The following SH3BP4 variants were observed in gnomAD, a reference collection of about 807,000 sequenced individuals.
SH3BP4 encodes SH3 domain-binding protein 4.
In SH3BP4, 33 loss-of-function variants were observed where a neutral mutation model predicts 65.5. The observed-to-expected ratio is 0.50, with a 90% CI of 0.38 to 0.67. SH3BP4 has a LOEUF of 0.67. Among genes scored for constraint, SH3BP4 ranks in the 30% least tolerant of loss-of-function variants. The probability of loss-of-function intolerance (pLI) is 0.00; values close to 1 mark genes in which losing one functional copy is unlikely to be tolerated. For missense variants in SH3BP4, 1,134 were observed against 1,261.4 expected (o/e 0.90, Z 1.53); for synonymous variants, 552 against 545.5 (o/e 1.01, Z -0.17).
chr2:235,040,933 G>T lies in SH3BP4; in HGVS notation c.164G>T (p.Gly55Val). 6.2e-7 allele frequency: 1 copy of T among 1,614,002 alleles called. No homozygotes were observed. Among genetic ancestry groups the T allele is most frequent in the South Asian group, 1.1e-5 (1 of 91,066 alleles). Reference protein sequence around the residue: ...ALLVDNPTPFGNAKEVIAIKD... With the variant: ...ALLVDNPTPFVNAKEVIAIKD... The stretch of plus-strand genomic sequence containing the variant: ...CTCGTAGACAACCCCACACCTTTCG[G>T]AAATGCAAAGGAAGTGATTGCGATC... Residue 55 changes from glycine to valine, a missense_variant, in exon 4 of 6, where the codon GGA becomes GTA. Coordinates refer to ENST00000392011, the MANE Select transcript of SH3BP4 (RefSeq NM_014521.3).
At chr2:234,987,248 C>T (rs1376394821) in intron 1 of SH3BP4, among the ~76,000 whole-genome samples, 2 of 151,940 alleles carry the variant, frequency 1.3e-5, no homozygotes, top group African/African-American at 4.8e-5. Context: ...AGAACTACTG[C>T]CTTAGTCACA....
chr2:235,049,369 A>G (rs1695974032), intron 4 of SH3BP4, among the ~76,000 whole-genome samples: 1 of 152,184 alleles, frequency 6.6e-6, no homozygotes, highest in South Asian at 2.1e-4. Context: ...TACCTAGAAA[A>G]TGAGGCCACT....
At position 235,053,624 on chromosome 2, in the gene SH3BP4, C is replaced by A; in HGVS notation, c.2700C>A (p.Leu900=). The change falls in exon 6 of 6, where the codon CTC becomes CTA. Residue 900 remains leucine, a synonymous_variant. Coordinates refer to ENST00000392011, the MANE Select transcript of SH3BP4 (RefSeq NM_014521.3). ...AMWKPAYDFL[L]TWSHQIGDSY... ...GGAAGCCTGCGTATGACTTCTTACT[C>A]ACCTGGAGCCATCAGATCGGGGACA... The A allele has an allele frequency of 6.2e-7, 1 of 1,614,182 alleles. No homozygotes were observed. The highest frequency in any genetic ancestry group is 1.3e-5 in the African/African-American group (1 of 75,046).
intron 3 of SH3BP4, among the ~76,000 whole-genome samples, chr2:235,036,078 G>A (rs191304281): frequency 1.3e-5 from 2 of 152,234 alleles, no homozygotes; most frequent in Non-Finnish European, 2.9e-5. Flanking sequence ...CCCAGATAAA[G>A]TTGTAATCCT....
intron 2 of SH3BP4, among the ~76,000 whole-genome samples, chr2:235,024,544 A>G (rs928125931): frequency 6.6e-6 from 1 of 152,174 alleles, no homozygotes. Context: ...CAGGAACAGT[A>G]TTAAACCCTA....
chr2:235,029,483 T>C (rs1042383021), intron 2 of SH3BP4, among the ~76,000 whole-genome samples: 1 of 152,224 alleles, frequency 6.6e-6, no homozygotes, highest in African/African-American at 2.4e-5. Context: ...GGGCTCAGGC[T>C]GCCTGGGCAT....
intron 2 of SH3BP4, among the ~76,000 whole-genome samples, chr2:234,999,704 T>A (rs927653801): frequency 6.6e-6 from 1 of 152,190 alleles, no homozygotes; most frequent in Non-Finnish European, 1.5e-5. Flanking sequence ...TAAAAAGGAA[T>A]CTAAGACACC....
rs148936496 is a variant in SH3BP4 at position 235,041,357 on chromosome 2, C to T, written c.588C>T (p.Asp196=). The T allele has an allele frequency of 1.2e-5, 19 of 1,614,060 alleles. No individual in the cohort carries two copies. The highest frequency in any genetic ancestry group is 6.7e-5 in the African/African-American group (5 of 74,922). The change falls in exon 4 of 6, where the codon GAC becomes GAT. Residue 196 remains aspartate, a synonymous_variant. Coordinates refer to ENST00000392011, the MANE Select transcript of SH3BP4 (RefSeq NM_014521.3). This position sits in a 1 kb window ranked among gnomAD's most constrained non-coding sequence, Gnocchi z 6.0. ...PKSTVDLLLF[D]AGTSSFTESS... ...GTACTGTGGATTTGCTCCTTTTTGA[C>T]GCAGGTACATCCTCCTTCACCGAAT...
At position 234,977,394 on chromosome 2, in the gene SH3BP4, A is replaced by G. The variant is rs1244789174; in HGVS notation, c.-206-17909A>G. ...ACATCCTTTGTTCTCTCCAGCCCAG[A>G]CGTGTAGAGGTGAGCCACCCTCCTG... is the stretch of plus-strand genomic sequence containing the variant. On this transcript the variant is annotated intron_variant, in intron 1 of 5. Transcript: ENST00000392011. The surrounding 1 kb of genome is among the most constrained non-coding windows in gnomAD (Gnocchi z 5.1). Among the ~76,000 whole-genome samples, 1 of 152,158 alleles carries G rather than the reference A, an allele frequency of 6.6e-6. No individual in the cohort carries two copies. The highest frequency in any genetic ancestry group is 1.5e-5 in the Non-Finnish European group (1 of 68,048).
At chr2:235,001,780 G>A (rs1694107701) in intron 2 of SH3BP4, among the ~76,000 whole-genome samples, 1 of 152,226 alleles carries the variant, frequency 6.6e-6, no homozygotes. Context: ...GCAACTTGGT[G>A]TTCCGGCCTG....
rs546186785 is a variant in SH3BP4 at position 235,054,521 on chromosome 2, C to T, written c.*705C>T. 1.8e-4 allele frequency: 28 copies of T among 152,330 alleles called. No individual in the cohort carries two copies. The highest frequency in any genetic ancestry group is 6.3e-4 in the African/African-American group (26 of 41,568). The allele number at this position is 152,330 out of a possible 1,614,324, so 9.4% of individuals were successfully genotyped here. ...AGCTTCAGTGGGCAGAGTGAAGTCCCGCATTAGCATTTAGGTGCCCTGAGC... is the reference window on the plus strand; with the variant it reads ...AGCTTCAGTGGGCAGAGTGAAGTCCTGCATTAGCATTTAGGTGCCCTGAGC... On this transcript the variant is annotated 3_prime_UTR_variant, in exon 6 of 6. Coordinates refer to ENST00000392011, the MANE Select transcript of SH3BP4 (RefSeq NM_014521.3).
chr2:235,036,059 C>T (rs1000544872), intron 3 of SH3BP4, among the ~76,000 whole-genome samples: 1 of 152,254 alleles, frequency 6.6e-6, no homozygotes, highest in Non-Finnish European at 1.5e-5. Flanking sequence ...TTGAACTAAA[C>T]TGCTATCCCC....
chr2:235,016,478 C>T (rs1694687378), intron 2 of SH3BP4, among the ~76,000 whole-genome samples: 2 of 152,004 alleles, frequency 1.3e-5, no homozygotes, highest in South Asian at 4.1e-4. Context: ...GCCCTCAGCA[C>T]CACCGCCCAT....
At chr2:234,985,598 GTATTTTTGACCCTCTGCGCACAGA>G (rs1305394505) in intron 1 of SH3BP4, among the ~76,000 whole-genome samples, 2 of 152,190 alleles carry the variant, frequency 1.3e-5, no homozygotes, top group East Asian at 3.9e-4. Flanking sequence ...CCGCGCACAG[GTATTTTTGACCCTCTGCGCACAGA>G]TATTTTTGAC....
At chr2:235,038,339 G>C (rs1346060046) in intron 3 of SH3BP4, among the ~76,000 whole-genome samples, 566 of 12,010 alleles carry the variant, frequency 0.047, 32 homozygotes, top group East Asian at 0.38. Flanking sequence ...ATTATATATA[G>C]TATATATATT....
intron 1 of SH3BP4, among the ~76,000 whole-genome samples, chr2:234,973,730 G>T (rs1438958471): frequency 6.6e-6 from 1 of 151,764 alleles, no homozygotes; most frequent in Admixed American, 6.6e-5. Context: ...GTGACTTCTG[G>T]GCTCAAGGGA....
In SH3BP4 at chr2:235,034,000, C is replaced by T. The variant is rs1163957327; in HGVS notation, c.-132-871C>T. On this transcript the variant is annotated intron_variant, in intron 2 of 5. Coordinates refer to ENST00000392011, the MANE Select transcript of SH3BP4 (RefSeq NM_014521.3). The surrounding 1 kb of genome is among the most constrained non-coding windows in gnomAD (Gnocchi z 5.7). Reference sequence around the variant, plus strand: ...CTGTGGCCAGCTGTGAAAGTGTCTGCCAGTTTCTCTTGGAGAGCACATGAA... The same window carrying T: ...CTGTGGCCAGCTGTGAAAGTGTCTGTCAGTTTCTCTTGGAGAGCACATGAA... 6.6e-6 allele frequency among the ~76,000 whole-genome samples: 1 copy of T among 152,146 alleles called. No homozygotes were observed. Among genetic ancestry groups the T allele is most frequent in the Admixed American group, 6.5e-5 (1 of 15,282 alleles).
At chr2:234,957,537 T>G (rs145389879) in intron 1 of SH3BP4, among the ~76,000 whole-genome samples, 1 of 151,484 alleles carries the variant, frequency 6.6e-6, no homozygotes, top group African/African-American at 2.4e-5. Context: ...GAAAAAGGAT[T>G]TGGGTACTAC....
intron 2 of SH3BP4, among the ~76,000 whole-genome samples, chr2:235,025,489 G>A (rs1694971504): frequency 6.6e-6 from 1 of 152,194 alleles, no homozygotes; most frequent in African/African-American, 2.4e-5. Flanking sequence ...ACGTGATGCT[G>A]AATTAATGTC....
Sources: allele counts gnomAD v4.1 joint callset (sites outside exome capture counted in the v4.1 genomes callset), GRCh38; gene constraint gnomAD v4.1.1; non-coding constraint Gnocchi (gnomAD v3.1); transcripts MANE v1.5; gene names NCBI Gene and HGNC (gene_info 2026-07-23, HGNC 2026-07-21).